Variants in PPP1CB observed in about 807,000 individuals in gnomAD.
PPP1CB encodes protein phosphatase 1 catalytic subunit beta, also known as serine/threonine-protein phosphatase PP1-beta catalytic subunit.
In PPP1CB, 2 loss-of-function variants were observed where a neutral mutation model predicts 43.7. The ratio of observed to expected loss-of-function variants is 0.05; its 90% CI spans 0.02 to 0.14. The LOEUF (loss-of-function observed/expected upper bound fraction) is 0.14, where lower values mean the gene tolerates loss of function less well. PPP1CB is among the 10% of genes least tolerant of loss of function. PPP1CB has a pLI of 1.00. For synonymous variants in PPP1CB, 136 were observed against 135.6 expected, an observed-to-expected ratio of 1.00 and a Z score of -0.02; for missense variants, 84 against 398.0, an observed-to-expected ratio of 0.21 and a Z score of 6.71.
chr2:28,757,010 C>A (rs1666504965), intron 1 of PPP1CB, among the ~76,000 whole-genome samples: 1 of 152,092 alleles, frequency 6.6e-6, no homozygotes, highest in South Asian at 2.1e-4. Flanking sequence ...ACATATACCC[C>A]CCAAAAAACC....
intron 3 of PPP1CB, among the ~76,000 whole-genome samples, chr2:28,780,108 G>C (rs1213114519): frequency 9.7e-6 from 1 of 102,824 alleles, no homozygotes; most frequent in Non-Finnish European, 1.9e-5. Context: ...TTTTTTTTGA[G>C]ACGGAGTCTC....
chr2:28,792,974 G>A (rs1386723398), intron 6 of PPP1CB, among the ~76,000 whole-genome samples: 1 of 152,174 alleles, frequency 6.6e-6, no homozygotes, highest in Non-Finnish European at 1.5e-5. Flanking sequence ...GGGAGGCCGA[G>A]GCGGGCAGAT....
intron 2 of PPP1CB, 148 bp from the exon 3 acceptor site, chr2:28,778,661 C>G: frequency 3.3e-6 from 2 of 600,814 alleles, no homozygotes; most frequent in Non-Finnish European, 5.9e-6. Context: ...GCCCATCTCA[C>G]TTTCGCTTAT....
chr2:28,758,838 G>A (rs1391203535), intron 1 of PPP1CB, among the ~76,000 whole-genome samples: 5 of 152,190 alleles, frequency 3.3e-5, no homozygotes, highest in Non-Finnish European at 7.3e-5. Context: ...GATGATATGT[G>A]CATATCCCAG....
intron 1 of PPP1CB, among the ~76,000 whole-genome samples, chr2:28,764,855 A>C (rs550554165): frequency 3.5e-4 from 53 of 152,038 alleles, no homozygotes; most frequent in African/African-American, 1.1e-3. Flanking sequence ...CAGGAGGTGG[A>C]GGTTTCAGTG....
intron 5 of PPP1CB, 118 bp downstream of exon 5, chr2:28,784,096 C>G (rs114802424): frequency 1.5e-6 from 1 of 677,970 alleles, no homozygotes; most frequent in Non-Finnish European, 2.5e-6. Context: ...TTTTCATAGT[C>G]AATAAGCCAG....
rs1033275459 is a variant in PPP1CB at position 28,766,848 on chromosome 2, A to T, written c.53-10003A>T. Among the ~76,000 whole-genome samples the T allele has an allele frequency of 2.6e-5, 4 of 152,290 alleles. No individual in the cohort carries two copies. The South Asian group carries it at 8.3e-4, about 32-fold the overall frequency. ...TGTAATCCCAGCACTTTGGGAGGCC[A>T]AGGCAGGCAGATCACGAGGTCAGGA... On this transcript the variant is annotated intron_variant, in intron 1 of 7. Coordinates refer to ENST00000395366, the MANE Select transcript of PPP1CB (RefSeq NM_002709.3).
intron 1 of PPP1CB, among the ~76,000 whole-genome samples, chr2:28,758,958 T>A (rs1666553588): frequency 6.6e-6 from 1 of 152,244 alleles, no homozygotes; most frequent in South Asian, 2.1e-4. Context: ...TTAATCAGAA[T>A]ATCCCTAAGT....
intron 1 of PPP1CB, among the ~76,000 whole-genome samples, chr2:28,766,117 G>A (rs964847757): frequency 6.6e-6 from 1 of 152,080 alleles, no homozygotes; most frequent in African/African-American, 2.4e-5. Context: ...TAGATCTGCC[G>A]CAAAATTTAA....
At chr2:28,788,897 A>C (rs1667329766) in intron 6 of PPP1CB, 88 bp downstream of exon 6, 1 of 1,329,682 alleles carries the variant, frequency 7.5e-7, no homozygotes, top group African/African-American at 1.5e-5. Context: ...TTGTTCTGTC[A>C]CCCAGGCTGG....
intron 1 of PPP1CB, among the ~76,000 whole-genome samples, chr2:28,759,643 G>A (rs527261827): frequency 2.5e-3 from 375 of 148,540 alleles, no homozygotes; most frequent in Admixed American, 4.5e-3. Context: ...TTGAGACAGA[G>A]TTTCGCTCTT....
At chr2:28,771,975 CAAA>C (rs145379596) in intron 1 of PPP1CB, among the ~76,000 whole-genome samples, 10 of 134,800 alleles carry the variant, frequency 7.4e-5, no homozygotes, top group Non-Finnish European at 9.6e-5. Flanking sequence ...CGAACTTGTC[CAAA>C]AAAAAAAAAA....
At chr2:28,793,746 CAG>C (rs1299671720) in intron 6 of PPP1CB, 115 bp from the exon 7 acceptor site, 15 of 1,063,506 alleles carry the variant, frequency 1.4e-5, no homozygotes, top group East Asian at 2.5e-5. Context: ...CAAAACAAAA[CAG>C]GGTGGTTTGG....
At chr2:28,770,954 A>C (rs1666895698) in intron 1 of PPP1CB, among the ~76,000 whole-genome samples, 1 of 152,102 alleles carries the variant, frequency 6.6e-6, no homozygotes, top group African/African-American at 2.4e-5. Flanking sequence ...GAAATAAATA[A>C]AAGGAGAGAT....
At chr2:28,781,616 T>C in intron 3 of PPP1CB, 122 bp from the exon 4 acceptor site, 1 of 713,832 alleles carries the variant, frequency 1.4e-6, no homozygotes, top group Non-Finnish European at 2.3e-6. Flanking sequence ...GAAAAAGTTC[T>C]TCTTTATAGA....
At chr2:28,764,617 T>C (rs191581506) in intron 1 of PPP1CB, among the ~76,000 whole-genome samples, 7 of 152,244 alleles carry the variant, frequency 4.6e-5, no homozygotes, top group Non-Finnish European at 7.4e-5. Flanking sequence ...AATTAGTATG[T>C]AATCTTGGGG....
At chr2:28,768,714 T>C (rs1666835015) in intron 1 of PPP1CB, among the ~76,000 whole-genome samples, 1 of 152,218 alleles carries the variant, frequency 6.6e-6, no homozygotes, top group Admixed American at 6.5e-5. Flanking sequence ...TATCTAAAAC[T>C]TCTACAATTT....
At position 28,802,644 on chromosome 2, in the gene PPP1CB, TATA is replaced by T. The variant is rs1400385377; in HGVS notation, c.*3344_*3346del. 2.6e-5 allele frequency: 4 copies of T among 152,390 alleles called. No homozygotes were observed. The highest frequency in any genetic ancestry group is 4.4e-5 in the Non-Finnish European group (3 of 68,040). The allele number at this position is 152,390 out of a possible 1,614,324, so 9.4% of individuals were successfully genotyped here. On this transcript the variant is annotated 3_prime_UTR_variant, in exon 8 of 8. Transcript: ENST00000395366. Reference sequence around the variant, plus strand: ...ATACACCTAGAGTTTTAATTACCTTTATAATGTTTCTTAAAAGTGAAACTTAGA... The same window carrying T: ...ATACACCTAGAGTTTTAATTACCTTTATGTTTCTTAAAAGTGAAACTTAGA...
intron 1 of PPP1CB, 54 bp from the exon 2 acceptor site, chr2:28,776,797 A>G: frequency 2.6e-6 from 4 of 1,534,260 alleles, no homozygotes; most frequent in Non-Finnish European, 3.6e-6. Flanking sequence ...TCTTTTTGAA[A>G]GATTATTATG....
Sources: allele counts gnomAD v4.1 joint callset (sites outside exome capture counted in the v4.1 genomes callset), GRCh38; gene constraint gnomAD v4.1.1; transcripts MANE v1.5; gene names NCBI Gene and HGNC (gene_info 2026-07-23, HGNC 2026-07-21).